The following KIRREL3 variants were observed in gnomAD, a reference collection of about 807,000 sequenced individuals.
The protein encoded by KIRREL3 is kin of IRRE-like protein 3.
KIRREL3 carries 36 observed loss-of-function variants against 89.7 expected under a neutral mutation model. The observed-to-expected ratio is 0.40, with a 90% confidence interval of 0.31 to 0.53. The LOEUF is 0.53. KIRREL3 is among the 20% of genes least tolerant of loss of function. The probability of loss-of-function intolerance (pLI) is 0.49; values close to 1 mark genes in which losing one functional copy is unlikely to be tolerated. For synonymous variants in KIRREL3, 445 were observed against 441.4 expected, an observed-to-expected ratio of 1.01 and a Z score of -0.10; for missense variants, 864 against 1,056.6, an observed-to-expected ratio of 0.82 and a Z score of 2.53.
intron 1 of KIRREL3, among the ~76,000 whole-genome samples, chr11:126,963,541 G>T (rs548094891): frequency 3.3e-5 from 5 of 152,058 alleles, no homozygotes; most frequent in African/African-American, 1.2e-4. Context: ...AAAATGCTTT[G>T]TGACGAACCA....
chr11:126,695,687 T>G (rs2135147578), intron 1 of KIRREL3, among the ~76,000 whole-genome samples: 1 of 152,284 alleles, frequency 6.6e-6, no homozygotes, highest in South Asian at 2.1e-4. Flanking sequence ...TGCCTGTCTG[T>G]GAGCTTTCGT....
chr11:126,766,238 G>A lies in KIRREL3; in HGVS notation c.56-203326C>T, dbSNP rs1331476151. 2.6e-5 allele frequency among the ~76,000 whole-genome samples: 4 copies of A among 151,894 alleles called. No homozygotes were observed. The highest frequency in any genetic ancestry group is 9.7e-5 in the African/African-American group (4 of 41,366). On this transcript the variant is annotated intron_variant, in intron 1 of 16. Transcript: ENST00000525144. The surrounding 1 kb of genome is among the most constrained non-coding windows in gnomAD (Gnocchi z 4.2). The stretch of plus-strand genomic sequence containing the variant: ...GTCTTCCTGGCCCTCAGTTGGCTGA[G>A]AACAGTAGGAGCCCATAACAGACAG...
Position 126,573,073 on chromosome 11 carries a change from G to T in KIRREL3, c.56-10161C>A, listed in dbSNP as rs564799945. 9.9e-5 allele frequency among the ~76,000 whole-genome samples: 15 copies of T among 152,248 alleles called. No individual in the cohort carries two copies. The South Asian group carries it at 3.1e-3, about 32-fold the overall frequency. ...AGGGTTTTTAGGGGTGGAGATGTGT[G>T]GGCTAAGGTCCAGTGGGCTGGGAAT... is the stretch of plus-strand genomic sequence containing the variant. On this transcript the variant is annotated intron_variant, in intron 1 of 16. Transcript: ENST00000525144.
chr11:126,635,483 G>A lies in KIRREL3; in HGVS notation c.56-72571C>T, dbSNP rs1231445193. Among the ~76,000 whole-genome samples the A allele has an allele frequency of 6.6e-6, 1 of 152,204 alleles. No homozygotes were observed. The highest frequency in any genetic ancestry group is 1.5e-5 in the Non-Finnish European group (1 of 68,026). ...CAGCACCTCTGGGCTTCTGAGCCAT[G>A]GGAGAGTTGGACAGAAGGCTGAACA... On this transcript the variant is annotated intron_variant, in intron 1 of 16. Transcript: ENST00000525144. The surrounding 1 kb of genome is among the most constrained non-coding windows in gnomAD (Gnocchi z 4.0).
intron 4 of KIRREL3, among the ~76,000 whole-genome samples, chr11:126,483,565 G>A (rs941761981): frequency 2.0e-5 from 3 of 152,132 alleles, no homozygotes; most frequent in African/African-American, 7.2e-5. Flanking sequence ...CCTCCACTAT[G>A]GCCAGGTGAC....
At position 126,689,363 on chromosome 11, in the gene KIRREL3, C is replaced by G. The variant is rs1261169019; in HGVS notation, c.56-126451G>C. ...CCAGGCCATGGAGCTGCCCAGACCC[C>G]CTGGGAGCCCAGAGTCCCCATCCTT... On this transcript the variant is annotated intron_variant, in intron 1 of 16. Coordinates refer to ENST00000525144, the MANE Select transcript of KIRREL3 (RefSeq NM_032531.4). This position sits in a 1 kb window ranked among gnomAD's most constrained non-coding sequence, Gnocchi z 5.2. Among the ~76,000 whole-genome samples, 1 of 152,178 alleles carries G rather than the reference C, an allele frequency of 6.6e-6. No individual in the cohort carries two copies. The highest frequency in any genetic ancestry group is 1.5e-5 in the Non-Finnish European group (1 of 68,024).
In KIRREL3 at chr11:126,587,173, G is replaced by A. The variant is rs1941904762; in HGVS notation, c.56-24261C>T. Among the ~76,000 whole-genome samples, 1 of 151,932 alleles carries A rather than the reference G, an allele frequency of 6.6e-6. No homozygotes were observed. Among genetic ancestry groups the A allele is most frequent in the African/African-American group, 2.4e-5 (1 of 41,400 alleles). On this transcript the variant is annotated intron_variant, in intron 1 of 16. Coordinates refer to ENST00000525144, the MANE Select transcript of KIRREL3 (RefSeq NM_032531.4). The surrounding 1 kb of genome is among the most constrained non-coding windows in gnomAD (Gnocchi z 5.2). ...CCACTCACCAGACATGGCAGTTCTT[G>A]GAAAATGTCCACTGGGGACATGACA...
rs1378204871 is a variant in KIRREL3 at position 126,736,052 on chromosome 11, C to T, written c.56-173140G>A. On this transcript the variant is annotated intron_variant, in intron 1 of 16. Coordinates refer to ENST00000525144, the MANE Select transcript of KIRREL3 (RefSeq NM_032531.4). The surrounding 1 kb of genome is among the most constrained non-coding windows in gnomAD (Gnocchi z 5.0). ...TGAGAGTTTTTATGAAACTGCCTAG[C>T]GTAGTGCCTAGCAGAGAGTACATGT... Among the ~76,000 whole-genome samples, 4 of 152,164 alleles carry T rather than the reference C, an allele frequency of 2.6e-5. No individual in the cohort carries two copies. The highest frequency in any genetic ancestry group is 1.9e-4 in the East Asian group (1 of 5,188).
intron 1 of KIRREL3, among the ~76,000 whole-genome samples, chr11:126,966,928 T>A (rs12286362): frequency 6.6e-6 from 1 of 152,126 alleles, no homozygotes; most frequent in Non-Finnish European, 1.5e-5. Context: ...GTAAATTAAA[T>A]AAGAAACTGT....
Position 126,496,159 on chromosome 11 carries a change from G to A in KIRREL3, c.434-22693C>T, listed in dbSNP as rs143672332. On this transcript the variant is annotated intron_variant, in intron 4 of 16. Coordinates refer to ENST00000525144, the MANE Select transcript of KIRREL3 (RefSeq NM_032531.4). This position sits in a 1 kb window ranked among gnomAD's most constrained non-coding sequence, Gnocchi z 4.9. ...GATTCCTGTAATTTTAAGCCACTGA[G>A]CTTGGAGGTGATTTGTTATGCAGAA... Among the ~76,000 whole-genome samples the A allele has an allele frequency of 6.6e-6, 1 of 152,314 alleles. No homozygotes were observed. The highest frequency in any genetic ancestry group is 1.9e-4 in the East Asian group (1 of 5,180).
chr11:126,577,966 A>G (rs1941348080), intron 1 of KIRREL3, among the ~76,000 whole-genome samples: 1 of 152,156 alleles, frequency 6.6e-6, no homozygotes, highest in Admixed American at 6.5e-5. Context: ...AAGTAGTCAC[A>G]CTGGTTTCCC....
At chr11:126,446,653 G>A in intron 9 of KIRREL3, 106 bp downstream of exon 9, 2 of 1,244,842 alleles carry the variant, frequency 1.6e-6, no homozygotes, top group South Asian at 3.0e-5. Context: ...ACTGGAGGCT[G>A]ACTCCCCCAG....
At chr11:126,765,792 C>T (rs972904690) in intron 1 of KIRREL3, among the ~76,000 whole-genome samples, 1 of 152,148 alleles carries the variant, frequency 6.6e-6, no homozygotes, top group Non-Finnish European at 1.5e-5. Context: ...CTCCTGCAGC[C>T]TAGCTGAAAA....
chr11:126,626,080 T>C (rs1411278355), intron 1 of KIRREL3, among the ~76,000 whole-genome samples: 3 of 152,228 alleles, frequency 2.0e-5, no homozygotes, highest in African/African-American at 4.8e-5. Flanking sequence ...AGAACCCTGC[T>C]GGGGTAGGGA....
intron 2 of KIRREL3, among the ~76,000 whole-genome samples, chr11:126,543,088 A>G (rs1348388179): frequency 2.6e-5 from 4 of 152,088 alleles, no homozygotes; most frequent in South Asian, 2.1e-4. Flanking sequence ...TACCCTCCCA[A>G]TTCTGCCCTA....
Position 126,666,762 on chromosome 11 carries a change from C to T in KIRREL3, c.56-103850G>A, listed in dbSNP as rs1326442596. 1.3e-5 allele frequency among the ~76,000 whole-genome samples: 2 copies of T among 152,076 alleles called. No homozygotes were observed. Among genetic ancestry groups the T allele is most frequent in the East Asian group, 1.9e-4 (1 of 5,190 alleles). On this transcript the variant is annotated intron_variant, in intron 1 of 16. Transcript: ENST00000525144. The surrounding 1 kb of genome is among the most constrained non-coding windows in gnomAD (Gnocchi z 4.2). Reference sequence around the variant, plus strand: ...TTGTATTGACTAGGAGGTCTTTCACCAGAAGAATAAAAGACCATGCTTTTG... The same window carrying T: ...TTGTATTGACTAGGAGGTCTTTCACTAGAAGAATAAAAGACCATGCTTTTG...
intron 1 of KIRREL3, among the ~76,000 whole-genome samples, chr11:126,863,400 T>TGCGTGTGTGAGC (rs1565362624): frequency 0.037 from 1,693 of 45,482 alleles, 45 homozygotes; most frequent in African/African-American, 0.13. Context: ...CGTGTGTGAG[T>TGCGTGTGTGAGC]GCGTGAGTGC....
chr11:126,759,070 A>C (rs567724168), intron 1 of KIRREL3, among the ~76,000 whole-genome samples: 1 of 152,320 alleles, frequency 6.6e-6, no homozygotes, highest in East Asian at 1.9e-4. Context: ...ACCCTTCTGC[A>C]TACAGGAAGA....
At chr11:126,846,684 C>CA (rs932157997) in intron 1 of KIRREL3, among the ~76,000 whole-genome samples, 13 of 131,240 alleles carry the variant, frequency 9.9e-5, no homozygotes, top group African/African-American at 2.6e-4. Flanking sequence ...AACAGACAAA[C>CA]AAAAAAAAAT....
Sources: gnomAD v4.1 joint callset for allele counts (sites outside exome capture counted in the v4.1 genomes callset) on GRCh38, gnomAD v4.1.1 for gene constraint, Gnocchi (gnomAD v3.1) non-coding constraint, MANE v1.5 for transcripts, NCBI Gene and HGNC (gene_info 2026-07-23, HGNC 2026-07-21) for gene names.